The following LIX1 variants were observed in gnomAD, a reference collection of about 807,000 sequenced individuals.
LIX1 encodes the protein protein limb expression 1 homolog.
LIX1 carries 24 observed loss-of-function variants against 33.4 expected under a neutral mutation model. The observed-to-expected ratio is 0.72, with a 90% CI of 0.52 to 1.01. LIX1 has a LOEUF of 1.01. Among genes scored for constraint, LIX1 ranks in the 50% least tolerant of loss-of-function variants. The probability of loss-of-function intolerance (pLI) is 0.00; values close to 1 mark genes in which losing one functional copy is unlikely to be tolerated. For missense variants in LIX1, 311 were observed against 339.2 expected (o/e 0.92, Z 0.65); for synonymous variants, 124 against 124.0 (o/e 1.00, Z 0.00).
intron 1 of LIX1, among the ~76,000 whole-genome samples, chr5:97,140,443 G>C (rs1390192624): frequency 6.6e-6 from 1 of 152,182 alleles, no homozygotes; most frequent in African/African-American, 2.4e-5. Context: ...GTGACTAGGA[G>C]GAGAGGGGAC....
intron 2 of LIX1, among the ~76,000 whole-genome samples, chr5:97,111,716 GT>G (rs905873303): frequency 4.6e-5 from 7 of 152,120 alleles, no homozygotes; most frequent in Non-Finnish European, 8.8e-5. Context: ...GAGAGACCTA[GT>G]AAACACTAGT....
chr5:97,110,644 A>C (rs1316608364), intron 2 of LIX1, among the ~76,000 whole-genome samples: 1 of 152,072 alleles, frequency 6.6e-6, no homozygotes, highest in African/African-American at 2.4e-5. Context: ...GGGTTTCTCC[A>C]TGTTGGTCAG....
chr5:97,119,669 A>G (rs1747730858), intron 2 of LIX1, among the ~76,000 whole-genome samples: 1 of 152,170 alleles, frequency 6.6e-6, no homozygotes, highest in Admixed American at 6.5e-5. Context: ...GGGGACCCTA[A>G]AATGATCAGA....
chr5:97,137,988 A>G (rs2112801014), intron 1 of LIX1, among the ~76,000 whole-genome samples: 1 of 152,320 alleles, frequency 6.6e-6, no homozygotes, highest in East Asian at 1.9e-4. Flanking sequence ...ATAGCCCTGT[A>G]GTCTGGTCCA....
At chr5:97,118,869 T>G (rs1299101303) in intron 2 of LIX1, among the ~76,000 whole-genome samples, 1 of 152,160 alleles carries the variant, frequency 6.6e-6, no homozygotes, top group Non-Finnish European at 1.5e-5. Flanking sequence ...GTTTCTGTTT[T>G]TTGTAGGTTG....
rs1580190074 is a variant in LIX1 at position 97,093,235 on chromosome 5, T to C, written c.*1513A>G. On this transcript the variant is annotated 3_prime_UTR_variant, in exon 6 of 6. Transcript: ENST00000274382. ...GTTACCTTTGTACATACTTATTAGA[T>C]ATGAGGTTAAAATATCATATTTTAT... is the stretch of plus-strand genomic sequence containing the variant. The C allele has an allele frequency of 6.6e-6, 1 of 152,342 alleles. No individual in the cohort carries two copies. Among genetic ancestry groups the C allele is most frequent in the Non-Finnish European group, 1.5e-5 (1 of 68,034 alleles). The allele number at this position is 152,342 out of a possible 1,614,324, so 9.4% of individuals were successfully genotyped here. A position where few individuals can be genotyped will look rare whatever the true frequency, so the allele number is the denominator to read the frequency against.
At chr5:97,136,355 A>C (rs752910717) in intron 1 of LIX1, among the ~76,000 whole-genome samples, 20 of 152,172 alleles carry the variant, frequency 1.3e-4, no homozygotes, top group Non-Finnish European at 2.1e-4. Flanking sequence ...AAATGGCTTA[A>C]AAGGGTCTTG....
rs1222890595 is a variant in LIX1, at chr5:97,094,540, G to A, written c.*208C>T. On this transcript the variant is annotated 3_prime_UTR_variant, in exon 6 of 6. Coordinates refer to ENST00000274382, the MANE Select transcript of LIX1 (RefSeq NM_153234.5). The stretch of plus-strand genomic sequence containing the variant: ...TTTCATCCTGAGCTGGAACTATTGA[G>A]AATGTGATAGAAAAATGCATCGAGT... The A allele has an allele frequency of 3.6e-6, 2 of 555,506 alleles. No homozygotes were observed. The highest frequency in any genetic ancestry group is 3.7e-5 in the African/African-American group (2 of 53,384). The allele number at this position is 555,506 out of a possible 1,614,324, so 34.4% of individuals were successfully genotyped here. A position where few individuals can be genotyped will look rare whatever the true frequency, so the allele number is the denominator to read the frequency against.
intron 2 of LIX1, among the ~76,000 whole-genome samples, chr5:97,115,303 T>A (rs1747606030): frequency 6.6e-6 from 1 of 152,216 alleles, no homozygotes; most frequent in South Asian, 2.1e-4. Context: ...AGAAATTAGT[T>A]TTTTTATTAC....
At chr5:97,115,406 G>A (rs1747608839) in intron 2 of LIX1, among the ~76,000 whole-genome samples, 3 of 152,162 alleles carry the variant, frequency 2.0e-5, no homozygotes, top group Admixed American at 2.0e-4. Context: ...ACATGAAACA[G>A]TAACTTTCCT....
intron 1 of LIX1, among the ~76,000 whole-genome samples, chr5:97,138,305 G>A (rs183273948): frequency 5.3e-4 from 80 of 152,278 alleles, no homozygotes; most frequent in African/African-American, 1.9e-3. Flanking sequence ...TTTTGAGAAA[G>A]TTTGCCCTGA....
In LIX1 at chr5:97,100,018, G is replaced by A. The variant is rs561513899; in HGVS notation, c.484-3131C>T. The stretch of plus-strand genomic sequence containing the variant: ...TTGAGAAACAGCCTATTGCTAACAG[G>A]GCTCTTAATTCCATCCTCTGATAAC... On this transcript the variant is annotated intron_variant, in intron 4 of 5. Coordinates refer to ENST00000274382, the MANE Select transcript of LIX1 (RefSeq NM_153234.5). 2.0e-5 allele frequency among the ~76,000 whole-genome samples: 3 copies of A among 152,142 alleles called. No individual in the cohort carries two copies. In the South Asian group the frequency reaches 6.2e-4, roughly 32 times the overall value.
Position 97,118,603 on chromosome 5 carries a change from C to A in LIX1, c.246+5863G>T, listed in dbSNP as rs555650127. On this transcript the variant is annotated intron_variant, in intron 2 of 5. Transcript: ENST00000274382. Reference sequence around the variant, plus strand: ...GCATGAAGAAAATATGTCTAAAATACATGAAATACTTAATGCTTGTAATGT... The same window carrying A: ...GCATGAAGAAAATATGTCTAAAATAAATGAAATACTTAATGCTTGTAATGT... 2.0e-5 allele frequency among the ~76,000 whole-genome samples: 3 copies of A among 152,182 alleles called. No homozygotes were observed. In the South Asian group the frequency reaches 6.2e-4, roughly 32 times the overall value.
chr5:97,100,791 T>C (rs988675552), intron 4 of LIX1, among the ~76,000 whole-genome samples: 1 of 151,472 alleles, frequency 6.6e-6, no homozygotes, highest in African/African-American at 2.4e-5. Context: ...AGGAAGTTAG[T>C]GTAGTCAGGT....
intron 5 of LIX1, 61 bp from the exon 6 acceptor site, chr5:97,095,096 A>G (rs1388900114): frequency 1.4e-6 from 2 of 1,478,476 alleles, no homozygotes; most frequent in Middle Eastern, 2.2e-4. Flanking sequence ...ACCCGTCCAC[A>G]TGCCTCCCCC....
At chr5:97,136,535 C>G (rs1450255908) in intron 1 of LIX1, among the ~76,000 whole-genome samples, 1 of 152,184 alleles carries the variant, frequency 6.6e-6, no homozygotes, top group Non-Finnish European at 1.5e-5. Context: ...GTACAAGGTA[C>G]AGCTCTGCCC....
intron 2 of LIX1, among the ~76,000 whole-genome samples, chr5:97,122,873 T>A (rs1370309894): frequency 6.6e-6 from 1 of 152,204 alleles, no homozygotes; most frequent in Non-Finnish European, 1.5e-5. Flanking sequence ...CTCTAACAAC[T>A]GTAATCTACT....
intron 1 of LIX1, among the ~76,000 whole-genome samples, chr5:97,142,294 G>A (rs1468690054): frequency 2.0e-5 from 3 of 152,286 alleles, no homozygotes; most frequent in Middle Eastern, 3.4e-3. Context: ...ATGTATCACT[G>A]ACAGAATAAC....
chr5:97,136,919 A>G (rs1748185202), intron 1 of LIX1, among the ~76,000 whole-genome samples: 1 of 152,154 alleles, frequency 6.6e-6, no homozygotes. Context: ...TTACATGGGC[A>G]TTTGAACATG....
Sources: allele counts gnomAD v4.1 joint callset (sites outside exome capture counted in the v4.1 genomes callset), GRCh38; gene constraint gnomAD v4.1.1; transcripts MANE v1.5; gene names NCBI Gene and HGNC (gene_info 2026-07-23, HGNC 2026-07-21).